Variants in CAMTA1 observed in about 807,000 individuals in gnomAD.
CAMTA1 encodes calmodulin-binding transcription activator 1.
A neutral mutation model predicts 170.9 loss-of-function variants in CAMTA1; 27 were observed. That is an observed-to-expected ratio of 0.16 (90% confidence interval 0.12 to 0.22). CAMTA1 has a LOEUF of 0.22. Among genes scored for constraint, CAMTA1 ranks in the 10% least tolerant of loss-of-function variants. The pLI, the probability that CAMTA1 is intolerant of heterozygous loss-of-function variation, is 1.00. For synonymous variants in CAMTA1, 833 were observed against 891.5 expected (o/e 0.93, Z 1.17); for missense variants, 1,619 against 2,217.2 (o/e 0.73, Z 5.42).
intron 3 of CAMTA1, among the ~76,000 whole-genome samples, chr1:6,896,503 G>A (rs1429542527): frequency 6.6e-6 from 1 of 152,130 alleles, no homozygotes; most frequent in Non-Finnish European, 1.5e-5. Context: ...TTGGGGTTAG[G>A]TAGCAAATCT....
At chr1:7,033,045 T>C (rs1703022759) in intron 3 of CAMTA1, among the ~76,000 whole-genome samples, 1 of 152,204 alleles carries the variant, frequency 6.6e-6, no homozygotes, top group African/African-American at 2.4e-5. Flanking sequence ...AGTTTTCTTA[T>C]GTTTCTGGTG....
chr1:7,768,293 G>A lies in CAMTA1; in HGVS notation c.*1802G>A, dbSNP rs1057298907. 2 of 152,628 alleles carry A rather than the reference G, an allele frequency of 1.3e-5. No homozygotes were observed. Among genetic ancestry groups the A allele is most frequent in the African/African-American group, 4.8e-5 (2 of 41,406 alleles). 9.5% of individuals were successfully genotyped at this position (152,628 alleles called of 1,614,324 possible). On this transcript the variant is annotated 3_prime_UTR_variant, in exon 23 of 23. Transcript: ENST00000303635. ...TATATTACTATTTCCACATAATGAG[G>A]AGCCAAAGAAATCTGATGTTTTTAA...
chr1:7,112,683 C>T (rs1237498174), intron 4 of CAMTA1, among the ~76,000 whole-genome samples: 6 of 152,228 alleles, frequency 3.9e-5, no homozygotes, highest in Non-Finnish European at 7.3e-5. Context: ...AGCAGCCTCC[C>T]GCTCAGACTT....
intron 3 of CAMTA1, among the ~76,000 whole-genome samples, chr1:6,882,741 C>T (rs191260686): frequency 2.8e-4 from 42 of 152,070 alleles, no homozygotes; most frequent in Non-Finnish European, 3.8e-4. Flanking sequence ...ATAGGGGGTT[C>T]TAAAAGCCGT....
At chr1:7,297,209 A>T (rs1377369658) in intron 5 of CAMTA1, among the ~76,000 whole-genome samples, 1 of 152,222 alleles carries the variant, frequency 6.6e-6, no homozygotes. Context: ...TTTAGAAGAT[A>T]TGTGGTAGGG....
rs1195181898 is a variant in CAMTA1, at chr1:6,834,269, A to AT, written c.234+9065dup. The AT allele has an allele frequency of 5.1e-5, 7 of 136,774 alleles. No individual in the cohort carries two copies. In the South Asian group the frequency reaches 9.2e-4, roughly 18 times the overall value. The allele number at this position is 136,774 out of a possible 1,614,324, so 8.5% of individuals were successfully genotyped here. A position where few individuals can be genotyped will look rare whatever the true frequency, so the allele number is the denominator to read the frequency against. ...AAATTTATTTTTTAATTTTTATTTT[A>AT]TTTTTTGTTTTTTTTTTTAAAACCA... On this transcript the variant is annotated intron_variant, in intron 3 of 22. Transcript: ENST00000303635.
intron 5 of CAMTA1, among the ~76,000 whole-genome samples, chr1:7,429,205 C>A (rs1434063788): frequency 6.6e-6 from 1 of 152,224 alleles, no homozygotes; most frequent in African/African-American, 2.4e-5. Context: ...CGTTTCCATA[C>A]TGGATACACA....
At chr1:7,439,309 T>C (rs1453416817) in intron 5 of CAMTA1, among the ~76,000 whole-genome samples, 2 of 152,184 alleles carry the variant, frequency 1.3e-5, no homozygotes, top group African/African-American at 2.4e-5. Context: ...TGAGCCATCG[T>C]TGGCTGCGAC....
chr1:7,063,595 C>T lies in CAMTA1; in HGVS notation c.235-27709C>T, dbSNP rs1708572203. Among the ~76,000 whole-genome samples the T allele has an allele frequency of 6.6e-6, 1 of 152,164 alleles. No individual in the cohort carries two copies. ...TCCCCTGTAGCCTCCCCTGCTCTGCCCTCTGCTTTTGGTCTTAAAGCTATT... is the reference window on the plus strand; with the variant it reads ...TCCCCTGTAGCCTCCCCTGCTCTGCTCTCTGCTTTTGGTCTTAAAGCTATT... On this transcript the variant is annotated intron_variant, in intron 3 of 22. Coordinates refer to ENST00000303635, the MANE Select transcript of CAMTA1 (RefSeq NM_015215.4). This position sits in a 1 kb window ranked among gnomAD's most constrained non-coding sequence, Gnocchi z 4.3.
rs1679081370 is a variant in CAMTA1, at chr1:7,325,010, G to C, written c.438+75384G>C. Among the ~76,000 whole-genome samples, 1 of 152,048 alleles carries C rather than the reference G, an allele frequency of 6.6e-6. No homozygotes were observed. Among genetic ancestry groups the C allele is most frequent in the African/African-American group, 2.4e-5 (1 of 41,380 alleles). ...AATGTGTTCTTTCTGTGAAGACGTT[G>C]ATTATATCTTGATTTTCTATACCCC... On this transcript the variant is annotated intron_variant, in intron 5 of 22. Coordinates refer to ENST00000303635, the MANE Select transcript of CAMTA1 (RefSeq NM_015215.4). This position sits in a 1 kb window ranked among gnomAD's most constrained non-coding sequence, Gnocchi z 5.0.
intron 3 of CAMTA1, among the ~76,000 whole-genome samples, chr1:7,016,571 T>C (rs1700560202): frequency 6.6e-6 from 1 of 152,252 alleles, no homozygotes; most frequent in Admixed American, 6.5e-5. Flanking sequence ...TGGTGGCTCA[T>C]GCCTGTAATC....
At chr1:7,125,911 A>T (rs2148494867) in intron 4 of CAMTA1, among the ~76,000 whole-genome samples, 1 of 152,300 alleles carries the variant, frequency 6.6e-6, no homozygotes, top group South Asian at 2.1e-4. Context: ...TATGCTGCTG[A>T]TAGAGACAGG....
At chr1:7,379,180 C>G (rs540957836) in intron 5 of CAMTA1, among the ~76,000 whole-genome samples, 1 of 152,336 alleles carries the variant, frequency 6.6e-6, no homozygotes, top group East Asian at 1.9e-4. Flanking sequence ...TGTCAATATA[C>G]TAAGATCTAC....
In CAMTA1 at chr1:6,965,735, T is replaced by C; in HGVS notation, c.235-125569T>C. Among the ~76,000 whole-genome samples, 1 of 152,204 alleles carries C rather than the reference T, an allele frequency of 6.6e-6. No homozygotes were observed. The highest frequency in any genetic ancestry group is 1.5e-5 in the Non-Finnish European group (1 of 68,032). ...GAGAACATTTTCGCTTTGGGAGTTA[T>C]TAGAGTTAGTGCCGGTTGTGACAAA... On this transcript the variant is annotated intron_variant, in intron 3 of 22. Transcript: ENST00000303635. This position sits in a 1 kb window ranked among gnomAD's most constrained non-coding sequence, Gnocchi z 4.1.
intron 6 of CAMTA1, among the ~76,000 whole-genome samples, chr1:7,550,678 A>C (rs1575982435): frequency 2.3e-5 from 3 of 128,660 alleles, no homozygotes; most frequent in African/African-American, 3.1e-5. Flanking sequence ...GCCCTCCCCT[A>C]CCTGACTCTG....
chr1:7,708,421 C>G (rs895036905), intron 11 of CAMTA1, among the ~76,000 whole-genome samples: 2 of 152,178 alleles, frequency 1.3e-5, no homozygotes, highest in Middle Eastern at 3.4e-3. Flanking sequence ...TTGCTTGAGC[C>G]CAGGAGTTCA....
At chr1:7,072,804 C>T (rs1638813941) in intron 3 of CAMTA1, among the ~76,000 whole-genome samples, 1 of 152,166 alleles carries the variant, frequency 6.6e-6, no homozygotes, top group Non-Finnish European at 1.5e-5. Flanking sequence ...GGTGCAGAAG[C>T]CCTGGGGCAG....
At chr1:7,259,296 G>A (rs1001764038) in intron 5 of CAMTA1, among the ~76,000 whole-genome samples, 2 of 152,132 alleles carry the variant, frequency 1.3e-5, no homozygotes, top group East Asian at 1.9e-4. Flanking sequence ...CTTGCACTTC[G>A]TAATTCAACA....
chr1:7,399,821 T>A (rs2089748194), intron 5 of CAMTA1, among the ~76,000 whole-genome samples: 1 of 152,210 alleles, frequency 6.6e-6, no homozygotes, highest in Admixed American at 6.5e-5. Context: ...GTCTGCAAGG[T>A]TTGTGCTGAG....
Sources: gnomAD v4.1 joint callset for allele counts (sites outside exome capture counted in the v4.1 genomes callset) on GRCh38, gnomAD v4.1.1 for gene constraint, Gnocchi (gnomAD v3.1) non-coding constraint, MANE v1.5 for transcripts, NCBI Gene and HGNC (gene_info 2026-07-23, HGNC 2026-07-21) for gene names.